NTM: variants seen among roughly 807,000 people sequenced by gnomAD.
NTM encodes the protein neurotrimin.
In NTM, 13 loss-of-function variants were observed where a neutral mutation model predicts 42.1. The ratio of observed to expected loss-of-function variants is 0.31; its 90% CI spans 0.20 to 0.49. The LOEUF (loss-of-function observed/expected upper bound fraction) is 0.49. Among genes scored for constraint, NTM ranks in the 20% least tolerant of loss-of-function variants. NTM has a pLI of 0.99. For synonymous variants in NTM, 187 were observed against 179.2 expected (o/e 1.04, Z -0.35); for missense variants, 373 against 452.8 (o/e 0.82, Z 1.60).
chr11:131,924,385 C>A (rs967951908), intron 2 of NTM, among the ~76,000 whole-genome samples: 6 of 152,122 alleles, frequency 3.9e-5, no homozygotes, highest in African/African-American at 1.4e-4. Flanking sequence ...TGCTCTGTTT[C>A]GTTCTTGAGT....
chr11:131,872,425 G>T (rs1781299943), intron 1 of NTM, among the ~76,000 whole-genome samples: 1 of 152,126 alleles, frequency 6.6e-6, no homozygotes, highest in South Asian at 2.1e-4. Context: ...CCCCAAAAGG[G>T]CCAGTGGCTG....
At chr11:132,048,251 A>G (rs967338570) in intron 2 of NTM, among the ~76,000 whole-genome samples, 2 of 152,100 alleles carry the variant, frequency 1.3e-5, no homozygotes, top group Non-Finnish European at 2.9e-5. Context: ...AATACCCCCC[A>G]TGCCGCCACC....
chr11:132,335,074 C>G lies in NTM; in HGVS notation c.996C>G (p.Asn332Lys), dbSNP rs758589814. 1 of 1,612,526 alleles carries G rather than the reference C, an allele frequency of 6.2e-7. No individual in the cohort carries two copies. Among genetic ancestry groups the G allele is most frequent in the East Asian group, 2.2e-5 (1 of 44,834 alleles). The change falls in exon 9 of 9, where the codon AAC becomes AAG. Residue 332 changes from asparagine (N) to lysine (K), a missense_variant. Transcript: ENST00000683400. ...CAGGCGCCGTCAGCGAGGTGAGCAA[C>G]GGCACGTCGAGGAGGGCAGGCTGCG... ...KGPGAVSEVS[N>K]GTSRRAGCVW...
intron 1 of NTM, among the ~76,000 whole-genome samples, chr11:131,472,610 A>G (rs936577975): frequency 2.0e-5 from 3 of 152,226 alleles, no homozygotes; most frequent in Non-Finnish European, 4.4e-5. Context: ...AGAAAGACAC[A>G]GTTATTTTTC....
chr11:131,985,486 A>G (rs1422930342), intron 2 of NTM, among the ~76,000 whole-genome samples: 1 of 152,152 alleles, frequency 6.6e-6, no homozygotes, highest in Non-Finnish European at 1.5e-5. Flanking sequence ...TGCCCATGCA[A>G]CAGTGCAACA....
chr11:132,081,958 A>T (rs572158005), intron 2 of NTM, among the ~76,000 whole-genome samples: 1 of 148,166 alleles, frequency 6.7e-6, no homozygotes, highest in East Asian at 2.0e-4. Flanking sequence ...TTATATATAT[A>T]TATATAGTGA....
At chr11:132,095,982 G>A (rs149161883) in intron 2 of NTM, among the ~76,000 whole-genome samples, 12 of 152,268 alleles carry the variant, frequency 7.9e-5, no homozygotes, top group South Asian at 6.2e-4. Context: ...GCAGCATCCC[G>A]CTGTGGGAGG....
Position 131,379,924 on chromosome 11 carries a change from C to T in NTM, c.82+9036C>T, listed in dbSNP as rs73583101. On this transcript the variant is annotated intron_variant, in intron 1 of 8. Transcript: ENST00000683400. Reference sequence around the variant, plus strand: ...TCCTGGTAGCCCAGCATATTAGAGCCCAGCATATTATAGCTTCTCCTGATT... The same window carrying T: ...TCCTGGTAGCCCAGCATATTAGAGCTCAGCATATTATAGCTTCTCCTGATT... Among the ~76,000 whole-genome samples the T allele has an allele frequency of 1.2e-3, 181 of 152,228 alleles. 1 individual carries two copies. Among genetic ancestry groups the T allele is most frequent in the African/African-American group, 4.3e-3 (178 of 41,526 alleles).
chr11:132,011,560 A>G (rs2072199062), intron 2 of NTM, among the ~76,000 whole-genome samples: 1 of 152,152 alleles, frequency 6.6e-6, no homozygotes, highest in African/African-American at 2.4e-5. Context: ...TTTGATTTAC[A>G]ATTTTATTAC....
chr11:131,927,735 T>G (rs1046151157), intron 2 of NTM, among the ~76,000 whole-genome samples: 1 of 152,168 alleles, frequency 6.6e-6, no homozygotes, highest in Non-Finnish European at 1.5e-5. Context: ...CAGAGAAGGA[T>G]TTCATTGACA....
chr11:131,847,166 A>G (rs2045007808), intron 1 of NTM, among the ~76,000 whole-genome samples: 1 of 152,158 alleles, frequency 6.6e-6, no homozygotes, highest in Non-Finnish European at 1.5e-5. Flanking sequence ...ATTGAGGAAT[A>G]TGTAGAAATT....
At chr11:131,567,363 C>T (rs534197882) in intron 1 of NTM, among the ~76,000 whole-genome samples, 3 of 152,114 alleles carry the variant, frequency 2.0e-5, no homozygotes, top group Admixed American at 6.5e-5. Context: ...GGCACACACC[C>T]GTGATCCCGG....
At chr11:131,891,775 C>T (rs1290948408) in intron 1 of NTM, among the ~76,000 whole-genome samples, 2 of 152,202 alleles carry the variant, frequency 1.3e-5, no homozygotes, top group Non-Finnish European at 2.9e-5. Flanking sequence ...AGGCCTGTTA[C>T]ATTGCTCAGA....
chr11:131,462,387 A>T (rs1338276384), intron 1 of NTM, among the ~76,000 whole-genome samples: 1 of 152,230 alleles, frequency 6.6e-6, no homozygotes, highest in Admixed American at 6.5e-5. Flanking sequence ...CTTTTACTGG[A>T]TGTCAATCAT....
chr11:132,211,355 GCA>G (rs1174787596), intron 3 of NTM, among the ~76,000 whole-genome samples: 1 of 152,204 alleles, frequency 6.6e-6, no homozygotes, highest in East Asian at 1.9e-4. Context: ...AGCCATATTT[GCA>G]CCACTGCACT....
At chr11:131,479,929 T>C (rs1329597517) in intron 1 of NTM, among the ~76,000 whole-genome samples, 1 of 152,192 alleles carries the variant, frequency 6.6e-6, no homozygotes, top group African/African-American at 2.4e-5. Context: ...TAAAAAAGTA[T>C]TAACAAAATA....
At chr11:131,992,049 C>T (rs927134809) in intron 2 of NTM, among the ~76,000 whole-genome samples, 3 of 152,078 alleles carry the variant, frequency 2.0e-5, no homozygotes, top group Non-Finnish European at 2.9e-5. Context: ...GATTCTTGAA[C>T]AGTATGGGTT....
chr11:131,984,980 C>T (rs955791743), intron 2 of NTM, among the ~76,000 whole-genome samples: 2 of 152,154 alleles, frequency 1.3e-5, no homozygotes, highest in Non-Finnish European at 2.9e-5. Flanking sequence ...GCCTTTGCTG[C>T]TTAGAACCAT....
At chr11:132,282,510 A>T (rs923212348) in intron 4 of NTM, among the ~76,000 whole-genome samples, 3 of 152,192 alleles carry the variant, frequency 2.0e-5, no homozygotes, top group Non-Finnish European at 4.4e-5. Context: ...ATTTTTGTCT[A>T]CAACAACTCT....
Sources: gnomAD v4.1 joint callset for allele counts (sites outside exome capture counted in the v4.1 genomes callset) on GRCh38, gnomAD v4.1.1 for gene constraint, MANE v1.5 for transcripts, NCBI Gene and HGNC (gene_info 2026-07-23, HGNC 2026-07-21) for gene names.